Variants in PTPN9 observed in about 807,000 individuals in gnomAD.
PTPN9 encodes tyrosine-protein phosphatase non-receptor type 9.
PTPN9 carries 26 observed loss-of-function variants against 69.8 expected under a neutral mutation model. The observed-to-expected ratio is 0.37, with a 90% CI of 0.27 to 0.52. PTPN9 has a LOEUF of 0.52. PTPN9 is among the 20% of genes least tolerant of loss of function. PTPN9 has a pLI of 0.91. For missense variants in PTPN9, 549 were observed against 740.3 expected, an observed-to-expected ratio of 0.74 and a Z score of 3.00; for synonymous variants, 274 against 272.5, an observed-to-expected ratio of 1.01 and a Z score of -0.05.
At chr15:75,483,838 A>G (rs1008547753) in intron 8 of PTPN9, among the ~76,000 whole-genome samples, 1 of 152,174 alleles carries the variant, frequency 6.6e-6, no homozygotes, top group Non-Finnish European at 1.5e-5. Flanking sequence ...GCCCAGAAGG[A>G]ATGCTGAGGG....
At chr15:75,496,445 A>C (rs879754040) in intron 7 of PTPN9, among the ~76,000 whole-genome samples, 1 of 151,996 alleles carries the variant, frequency 6.6e-6, no homozygotes, top group Non-Finnish European at 1.5e-5. Flanking sequence ...GTGGAGACAT[A>C]GTATAAGAGC....
intron 7 of PTPN9, among the ~76,000 whole-genome samples, chr15:75,499,742 T>A (rs1040533011): frequency 7.2e-5 from 11 of 151,960 alleles, no homozygotes; most frequent in African/African-American, 2.7e-4. Context: ...GACTCCATAG[T>A]AGAAATGACA....
chr15:75,503,569 C>G (rs1349449611), intron 7 of PTPN9, among the ~76,000 whole-genome samples: 1 of 101,940 alleles, frequency 9.8e-6, no homozygotes, highest in Non-Finnish European at 2.1e-5. Flanking sequence ...CCCGCCCGGC[C>G]AGCCGCTCCG....
At chr15:75,515,079 C>T (rs1343213404) in intron 5 of PTPN9, among the ~76,000 whole-genome samples, 1 of 152,098 alleles carries the variant, frequency 6.6e-6, no homozygotes, top group Non-Finnish European at 1.5e-5. Flanking sequence ...GGAGATATCA[C>T]CTCACCAAAG....
intron 7 of PTPN9, among the ~76,000 whole-genome samples, chr15:75,495,342 C>A (rs955196801): frequency 2.0e-5 from 3 of 152,080 alleles, no homozygotes; most frequent in African/African-American, 7.2e-5. Flanking sequence ...AAAATAGATG[C>A]AATTGATTAT....
chr15:75,513,851 C>A (rs1327450480), intron 5 of PTPN9, among the ~76,000 whole-genome samples: 1 of 150,902 alleles, frequency 6.6e-6, no homozygotes, highest in African/African-American at 2.4e-5. Context: ...TTAATCCTAG[C>A]ACTCTGGGAA....
At chr15:75,504,275 C>T (rs1178680691) in intron 7 of PTPN9, among the ~76,000 whole-genome samples, 1 of 131,682 alleles carries the variant, frequency 7.6e-6, no homozygotes, top group African/African-American at 2.9e-5. Context: ...GCCCCCTGCC[C>T]GGCCAGCCGC....
At chr15:75,561,777 T>G (rs2075105011) in intron 1 of PTPN9, among the ~76,000 whole-genome samples, 1 of 152,136 alleles carries the variant, frequency 6.6e-6, no homozygotes, top group Admixed American at 6.6e-5. Flanking sequence ...TGACACGATC[T>G]CGGCTCACCA....
chr15:75,522,322 C>T (rs1256783081), intron 4 of PTPN9, among the ~76,000 whole-genome samples: 2 of 152,064 alleles, frequency 1.3e-5, no homozygotes, highest in African/African-American at 4.8e-5. Context: ...ATGGTTTTTG[C>T]TTAACTTTAT....
intron 1 of PTPN9, among the ~76,000 whole-genome samples, chr15:75,542,907 G>A (rs900200638): frequency 1.4e-5 from 2 of 145,692 alleles, no homozygotes; most frequent in Non-Finnish European, 3.0e-5. Context: ...GTGCAGGTTT[G>A]TTACATATGT....
At chr15:75,565,934 T>C (rs2141343275) in intron 1 of PTPN9, among the ~76,000 whole-genome samples, 1 of 152,318 alleles carries the variant, frequency 6.6e-6, no homozygotes, top group East Asian at 1.9e-4. Context: ...TGGTAACTGT[T>C]AGAATTCTTA....
At chr15:75,563,192 TTC>T (rs1399218631) in intron 1 of PTPN9, among the ~76,000 whole-genome samples, 1 of 152,158 alleles carries the variant, frequency 6.6e-6, no homozygotes, top group Non-Finnish European at 1.5e-5. Flanking sequence ...GGCATTTTTT[TTC>T]TCTTTTCTTT....
intron 8 of PTPN9, among the ~76,000 whole-genome samples, chr15:75,488,776 AGAGT>A (rs1359101113): frequency 3.3e-5 from 5 of 152,180 alleles, no homozygotes; most frequent in African/African-American, 9.7e-5. Flanking sequence ...CCTGGGTGAC[AGAGT>A]GAGACCCTGT....
intron 2 of PTPN9, among the ~76,000 whole-genome samples, chr15:75,524,858 C>A (rs1220241171): frequency 2.7e-5 from 4 of 148,880 alleles, no homozygotes; most frequent in Non-Finnish European, 5.9e-5. Context: ...TTCTTTGTAA[C>A]CTGCCTCCAA....
intron 1 of PTPN9, among the ~76,000 whole-genome samples, chr15:75,564,594 C>CAAAA (rs201990920): frequency 1.9e-5 from 2 of 102,680 alleles, no homozygotes; most frequent in African/African-American, 4.0e-5. Flanking sequence ...GACTACGTCT[C>CAAAA]AAAAAAAAAA....
intron 1 of PTPN9, among the ~76,000 whole-genome samples, chr15:75,572,584 G>A (rs958381508): frequency 3.3e-5 from 5 of 151,198 alleles, no homozygotes; most frequent in African/African-American, 7.3e-5. Context: ...GTGTGATGGT[G>A]CATGCCTGTA....
At chr15:75,525,274 C>G (rs898495259) in intron 2 of PTPN9, among the ~76,000 whole-genome samples, 2 of 151,570 alleles carry the variant, frequency 1.3e-5, no homozygotes, top group African/African-American at 4.8e-5. Context: ...GATCTTGGCT[C>G]ACTGCAACCT....
At chr15:75,507,444 C>CAACA (rs2074825288) in intron 6 of PTPN9, among the ~76,000 whole-genome samples, 2 of 100,048 alleles carry the variant, frequency 2.0e-5, no homozygotes, top group African/African-American at 1.0e-4. Context: ...AAAACTCTGT[C>CAACA]GCAAAAAAAA....
At chr15:75,478,970 G>A (rs2074612627) in intron 9 of PTPN9, among the ~76,000 whole-genome samples, 1 of 152,332 alleles carries the variant, frequency 6.6e-6, no homozygotes, top group South Asian at 2.1e-4. Flanking sequence ...GCCAGGTCAG[G>A]AAGAGTACTA....
Sources: gnomAD v4.1 joint callset for allele counts (sites outside exome capture counted in the v4.1 genomes callset) on GRCh38, gnomAD v4.1.1 for gene constraint, MANE v1.5 for transcripts, NCBI Gene and HGNC (gene_info 2026-07-23, HGNC 2026-07-21) for gene names.